The following PRKN variants were observed in gnomAD, a reference collection of about 807,000 sequenced individuals.
PRKN encodes the protein E3 ubiquitin-protein ligase parkin.
In PRKN, 56 loss-of-function variants were observed where a neutral mutation model predicts 59.5. The observed-to-expected ratio is 0.94, with a 90% CI of 0.76 to 1.18. PRKN has a LOEUF of 1.18. Among genes scored for constraint, PRKN ranks in the 50% most tolerant of loss-of-function variants. The probability of loss-of-function intolerance (pLI) is 0.00; values close to 1 mark genes in which losing one functional copy is unlikely to be tolerated. For missense variants in PRKN, 657 were observed against 596.4 expected (o/e 1.10, Z -1.06); for synonymous variants, 250 against 222.1 (o/e 1.13, Z -1.12).
chr6:161,659,264 C>T (rs973548610), intron 7 of PRKN, among the ~76,000 whole-genome samples: 2 of 152,192 alleles, frequency 1.3e-5, no homozygotes, highest in African/African-American at 4.8e-5. Context: ...TACGCTGTGT[C>T]ACAATTGTTC....
intron 7 of PRKN, among the ~76,000 whole-genome samples, chr6:161,680,781 T>TGTTTTTG (rs1221192517): frequency 0.019 from 1,783 of 93,254 alleles, 102 homozygotes; most frequent in Admixed American, 0.054. Flanking sequence ...ATATATTTTT[T>TGTTTTTG]TTTTTTTTTC....
intron 1 of PRKN, among the ~76,000 whole-genome samples, chr6:162,497,600 T>A (rs1428620564): frequency 6.6e-6 from 1 of 152,212 alleles, no homozygotes; most frequent in Admixed American, 6.5e-5. Flanking sequence ...GCTCATTTTG[T>A]GCAGCAGAGG....
rs374994153 is a variant in PRKN, at chr6:161,767,242, G to A, written c.871+18530C>T. On this transcript the variant is annotated intron_variant, in intron 7 of 11. Transcript: ENST00000366898. ...ACAACAATCAGCATGGGCCGGGCAC[G>A]GTGGCTCATGCCTGTAATCCCAGCA... Among the ~76,000 whole-genome samples, 466 of 152,298 alleles carry A rather than the reference G, an allele frequency of 3.1e-3. 3 individuals are homozygous for A. The highest frequency in any genetic ancestry group is 0.011 in the African/African-American group (447 of 41,574).
At chr6:162,193,869 G>T (rs1028665852) in intron 4 of PRKN, among the ~76,000 whole-genome samples, 1 of 152,182 alleles carries the variant, frequency 6.6e-6, no homozygotes, top group Non-Finnish European at 1.5e-5. Flanking sequence ...GGGAGCAGGG[G>T]CATAAACAAT....
chr6:162,004,066 A>G (rs909901968), intron 5 of PRKN, among the ~76,000 whole-genome samples: 4 of 152,172 alleles, frequency 2.6e-5, no homozygotes, highest in Non-Finnish European at 4.4e-5. Context: ...TTGGATCTGT[A>G]TCCCCACCCA....
chr6:161,767,664 CAGTT>C (rs1290205074), intron 7 of PRKN, among the ~76,000 whole-genome samples: 3 of 151,790 alleles, frequency 2.0e-5, no homozygotes, highest in African/African-American at 7.3e-5. Flanking sequence ...GAGAAGTAAA[CAGTT>C]AGAAGTCACT....
chr6:161,912,606 A>G (rs947204155), intron 6 of PRKN, among the ~76,000 whole-genome samples: 1 of 152,020 alleles, frequency 6.6e-6, no homozygotes, highest in African/African-American at 2.4e-5. Flanking sequence ...GGCCACGTGG[A>G]GATAGAGAGC....
intron 2 of PRKN, among the ~76,000 whole-genome samples, chr6:162,302,976 A>ACACACC (rs1478585627): frequency 6.6e-6 from 1 of 151,214 alleles, no homozygotes; most frequent in African/African-American, 2.4e-5. Flanking sequence ...ACACACACAC[A>ACACACC]CACACACACA....
At chr6:162,106,028 T>C (rs888781246) in intron 4 of PRKN, among the ~76,000 whole-genome samples, 5 of 152,172 alleles carry the variant, frequency 3.3e-5, no homozygotes, top group Admixed American at 1.3e-4. Flanking sequence ...TCTGACAGAA[T>C]TTAGGAGGAG....
chr6:162,239,767 C>A (rs769866168), intron 3 of PRKN, among the ~76,000 whole-genome samples: 48 of 151,996 alleles, frequency 3.2e-4, no homozygotes, highest in Non-Finnish European at 5.9e-4. Context: ...CCAAGACCAC[C>A]AGCTGAAACG....
chr6:162,178,382 T>C (rs900413694), intron 4 of PRKN, among the ~76,000 whole-genome samples: 1 of 152,182 alleles, frequency 6.6e-6, no homozygotes, highest in African/African-American at 2.4e-5. Context: ...TGTTTGTGTG[T>C]TTGGGAGTGT....
At chr6:162,238,792 G>A (rs1778854367) in intron 3 of PRKN, among the ~76,000 whole-genome samples, 1 of 152,184 alleles carries the variant, frequency 6.6e-6, no homozygotes, top group Non-Finnish European at 1.5e-5. Flanking sequence ...ATTGCCCAGA[G>A]CCACTGGAGG....
chr6:162,038,921 G>A (rs1428628882), intron 5 of PRKN, among the ~76,000 whole-genome samples: 2 of 152,166 alleles, frequency 1.3e-5, no homozygotes, highest in East Asian at 3.9e-4. Flanking sequence ...TTGGGAGGCT[G>A]AGGCGGGTGG....
At chr6:162,533,566 T>C (rs921992205) in intron 1 of PRKN, among the ~76,000 whole-genome samples, 12 of 152,096 alleles carry the variant, frequency 7.9e-5, no homozygotes, top group Admixed American at 5.2e-4. Context: ...AGAGGCAATG[T>C]GGTGCATTAC....
chr6:162,262,685 T>A lies in PRKN; in HGVS notation c.252A>T (p.Gly84=). Residue 84 remains glycine (G), a synonymous_variant, in exon 3 of 12, where the codon GGA becomes GGT. Coordinates refer to ENST00000366898, the MANE Select transcript of PRKN (RefSeq NM_004562.3). ...WRKGQEMNAT[G]GDDPRNAAGG... ...CCGCCGCGTTTCTGGGGTCGTCGCC[T>A]CCAGTTGCATTCATTTCTTGACCTT... The A allele has an allele frequency of 6.2e-7, 1 of 1,611,200 alleles. No individual in the cohort carries two copies. Among genetic ancestry groups the A allele is most frequent in the Non-Finnish European group, 8.5e-7 (1 of 1,179,744 alleles).
chr6:161,585,994 AT>A lies in PRKN; in HGVS notation c.872-16579del, dbSNP rs753111773. Among the ~76,000 whole-genome samples the A allele has an allele frequency of 1.0e-3, 157 of 152,278 alleles. 2 individuals are homozygous for A. The highest frequency in any genetic ancestry group is 3.4e-3 in the Middle Eastern group (1 of 294). The stretch of plus-strand genomic sequence containing the variant: ...AATTTCTTTAATTGTTTTTCCAAAC[AT>A]GCAATTCTGTGCCTCAATCGCTTCT... On this transcript the variant is annotated intron_variant, in intron 7 of 11. Transcript: ENST00000366898.
intron 2 of PRKN, among the ~76,000 whole-genome samples, chr6:162,367,784 A>G (rs1351480387): frequency 6.6e-6 from 1 of 152,160 alleles, no homozygotes; most frequent in Non-Finnish European, 1.5e-5. Context: ...AAAAGAAAGA[A>G]AAAAGGGATA....
At chr6:162,301,792 G>GT (rs1781971733) in intron 2 of PRKN, among the ~76,000 whole-genome samples, 1 of 110,728 alleles carries the variant, frequency 9.0e-6, no homozygotes, top group Non-Finnish European at 1.9e-5. Context: ...GCGGGGGGGG[G>GT]GTGCAGAATT....
chr6:161,657,620 C>T (rs1301083701), intron 7 of PRKN, among the ~76,000 whole-genome samples: 1 of 152,188 alleles, frequency 6.6e-6, no homozygotes, highest in Non-Finnish European at 1.5e-5. Flanking sequence ...TAACAGTCCA[C>T]CAGTTTAAGG....
Sources: gnomAD v4.1 joint callset for allele counts (sites outside exome capture counted in the v4.1 genomes callset) on GRCh38, gnomAD v4.1.1 for gene constraint, MANE v1.5 for transcripts, NCBI Gene and HGNC (gene_info 2026-07-23, HGNC 2026-07-21) for gene names.